Variants in SZT2 observed in about 807,000 individuals in gnomAD.
SZT2 encodes the protein SZT2 subunit of KICSTOR complex.
In SZT2, 216 loss-of-function variants were observed where a neutral mutation model predicts 404.2. That is an observed-to-expected ratio of 0.53 (90% confidence interval 0.48 to 0.60). SZT2 has a LOEUF of 0.60. SZT2 is among the 20% of genes least tolerant of loss of function. The pLI, the probability that SZT2 is intolerant of heterozygous loss-of-function variation, is 0.00. For missense variants in SZT2, 3,857 were observed against 4,459.2 expected (o/e 0.86, Z 3.85); for synonymous variants, 1,693 against 1,749.9 (o/e 0.97, Z 0.81).
chr1:43,452,135 C>A lies in SZT2; in HGVS notation c.*1655C>A. ...AGGCTGGCAGCCTCACGTGCTGTCC[C>A]CACTGTGCACCCCCTTCTCCGCACA... On this transcript the variant is annotated 3_prime_UTR_variant, in exon 72 of 72. Coordinates refer to ENST00000634258, the MANE Select transcript of SZT2 (RefSeq NM_001365999.1). 1 of 1,494,898 alleles carries A rather than the reference C, an allele frequency of 6.7e-7. No homozygotes were observed. Among genetic ancestry groups the A allele is most frequent in the East Asian group, 2.3e-5 (1 of 43,276 alleles). The allele number at this position is 1,494,898 out of a possible 1,614,324, so 92.6% of individuals were successfully genotyped here.
chr1:43,434,807 G>A (rs2153934585), intron 41 of SZT2, among the ~76,000 whole-genome samples: 1 of 152,318 alleles, frequency 6.6e-6, no homozygotes, highest in Non-Finnish European at 1.5e-5. Context: ...TGGAGCTTGT[G>A]TAGAATGGGG....
rs1299573385 is a variant in SZT2 at position 43,453,653 on chromosome 1, C to T, written c.*3173C>T. On this transcript the variant is annotated 3_prime_UTR_variant, in exon 72 of 72. Coordinates refer to ENST00000634258, the MANE Select transcript of SZT2 (RefSeq NM_001365999.1). Reference sequence around the variant, plus strand: ...CCGCTTCTCGCGCGGCGCGCGCCAGCGCCTCAGGCGTCTCCGCGTACGGCC... The same window carrying T: ...CCGCTTCTCGCGCGGCGCGCGCCAGTGCCTCAGGCGTCTCCGCGTACGGCC... 3 of 1,486,370 alleles carry T rather than the reference C, an allele frequency of 2.0e-6. No homozygotes were observed. Among genetic ancestry groups the T allele is most frequent in the Non-Finnish European group, 2.7e-6 (3 of 1,125,918 alleles). The allele number at this position is 1,486,370 out of a possible 1,614,324, so 92.1% of individuals were successfully genotyped here. A position where few individuals can be genotyped will look rare whatever the true frequency, so the allele number is the denominator to read the frequency against.
chr1:43,408,372 C>G (rs1311119900), intron 4 of SZT2, among the ~76,000 whole-genome samples: 2 of 152,256 alleles, frequency 1.3e-5, no homozygotes, highest in East Asian at 3.9e-4. Context: ...TAAGTGATCT[C>G]CCACCTCAGC....
intron 40 of SZT2, among the ~76,000 whole-genome samples, chr1:43,433,559 A>C (rs891145989): frequency 6.6e-6 from 1 of 152,328 alleles, no homozygotes; most frequent in East Asian, 1.9e-4. Context: ...AGGCAGGCGG[A>C]TCACTTGAGG....
In SZT2 at chr1:43,396,968, G is replaced by C. The variant is rs1021932116; in HGVS notation, c.28-6209G>C. ...ACTCTTCGTCAACAAAAACCATGTT[G>C]ATAGAAGAGTGAAAAATTAGAAATT... On this transcript the variant is annotated intron_variant, in intron 1 of 71. Coordinates refer to ENST00000634258, the MANE Select transcript of SZT2 (RefSeq NM_001365999.1). Among the ~76,000 whole-genome samples the C allele has an allele frequency of 3.3e-5, 5 of 152,350 alleles. No homozygotes were observed. In the Middle Eastern group the frequency reaches 0.01, roughly 311 times the overall value.
Position 43,452,827 on chromosome 1 carries a change from C to A in SZT2, c.*2347C>A. On this transcript the variant is annotated 3_prime_UTR_variant, in exon 72 of 72. Transcript: ENST00000634258. ...CCCACTTTGAGCCGTCCACCTCCTC[C>A]CATCATCCCCTGATCTTAGCCACAT... 6.8e-7 allele frequency: 1 copy of A among 1,465,998 alleles called. No individual in the cohort carries two copies. The highest frequency in any genetic ancestry group is 2.0e-5 in the Admixed American group (1 of 50,860). 90.8% of individuals were successfully genotyped at this position (1,465,998 alleles called of 1,614,324 possible).
Position 43,434,156 on chromosome 1 carries a change from G to A in SZT2, c.5805-230G>A, listed in dbSNP as rs543169085. On this transcript the variant is annotated intron_variant, in intron 40 of 71. Transcript: ENST00000634258. ...CCGTATGGGAGCTGGTGAAGCAAGC[G>A]TGGAGCCTCGGCATCCAGAACTGCT... Among the ~76,000 whole-genome samples the A allele has an allele frequency of 9.8e-5, 15 of 152,318 alleles. No individual in the cohort carries two copies. The South Asian group carries it at 2.5e-3, about 25-fold the overall frequency.
chr1:43,453,965 C>T lies in SZT2; in HGVS notation c.*3485C>T. The T allele has an allele frequency of 1.7e-6, 2 of 1,194,536 alleles. No individual in the cohort carries two copies. Among genetic ancestry groups the T allele is most frequent in the Non-Finnish European group, 1.0e-6 (1 of 964,206 alleles). 74.0% of individuals were successfully genotyped at this position (1,194,536 alleles called of 1,614,324 possible). On this transcript the variant is annotated 3_prime_UTR_variant, in exon 72 of 72. Coordinates refer to ENST00000634258, the MANE Select transcript of SZT2 (RefSeq NM_001365999.1). ...AAACCCGGGCCTTCACGAAAAGCGC[C>T]TACGGTTAGCGAGAGAGGGATCACG...
At position 43,439,723 on chromosome 1, in the gene SZT2, A is replaced by C. The variant is rs1314768886; in HGVS notation, c.6996A>C (p.Gln2332His). 1.2e-6 allele frequency: 2 copies of C among 1,610,734 alleles called. No homozygotes were observed. The highest frequency in any genetic ancestry group is 1.7e-6 in the Non-Finnish European group (2 of 1,178,118). Reference protein sequence around the residue: ...PDPLREEEFEQLTQVIRCPVV... With the variant: ...PDPLREEEFEHLTQVIRCPVV... ...CACTGCGAGAGGAGGAATTTGAGCA[A>C]CTGACCCAGGTCATCCGCTGCCCGG... is the stretch of plus-strand genomic sequence containing the variant. The change falls in exon 50 of 72, where the codon CAA (glutamine) becomes CAC (histidine). Residue 2332 changes from glutamine (Q) to histidine (H), a missense_variant. This residue lies in a region of SZT2 where 573 missense variants were observed against 592.4 expected (regional missense o/e 0.97). Coordinates refer to ENST00000634258, the MANE Select transcript of SZT2 (RefSeq NM_001365999.1). This position sits in a 1 kb window ranked among gnomAD's most constrained non-coding sequence, Gnocchi z 4.2.
intron 1 of SZT2, among the ~76,000 whole-genome samples, chr1:43,395,208 TA>T (rs1364753243): frequency 6.6e-6 from 1 of 152,208 alleles, no homozygotes; most frequent in Admixed American, 6.5e-5. Context: ...TCTCCTCACT[TA>T]ACAAACCTTG....
At chr1:43,432,154 TG>T in intron 36 of SZT2, 117 bp from the exon 37 acceptor site, 2 of 1,187,194 alleles carry the variant, frequency 1.7e-6, no homozygotes, top group Non-Finnish European at 2.4e-6. Flanking sequence ...ACCTCAGCAG[TG>T]GGGATGCCAG....
intron 4 of SZT2, chr1:43,405,029 GT>G (rs2153929922): frequency 6.5e-6 from 1 of 152,774 alleles, no homozygotes; most frequent in South Asian, 2.1e-4. Context: ...TTGAGACGGA[GT>G]TTCGCTCTTT....
At position 43,452,586 on chromosome 1, in the gene SZT2, A is replaced by C. The variant is rs920336425; in HGVS notation, c.*2106A>C. 1 of 601,112 alleles carries C rather than the reference A, an allele frequency of 1.7e-6. No homozygotes were observed. Among genetic ancestry groups the C allele is most frequent in the Non-Finnish European group, 3.0e-6 (1 of 335,836 alleles). The allele number at this position is 601,112 out of a possible 1,614,324, so 37.2% of individuals were successfully genotyped here. A position where few individuals can be genotyped will look rare whatever the true frequency, so the allele number is the denominator to read the frequency against. The stretch of plus-strand genomic sequence containing the variant: ...TTTCCTTCCCTCGGTCCTTCTCCGC[A>C]ACCTGTAACCTGCTAAATTCTCACC... On this transcript the variant is annotated 3_prime_UTR_variant, in exon 72 of 72. Coordinates refer to ENST00000634258, the MANE Select transcript of SZT2 (RefSeq NM_001365999.1).
In SZT2 at chr1:43,438,836, A is replaced by G. The variant is rs754864099; in HGVS notation, c.6627+19A>G. ...TGTGGAGGTCAGCTCCCCTCTAGGCACCAGCATCCTTCCCAGACTCAGCCA... is the reference window on the plus strand; with the variant it reads ...TGTGGAGGTCAGCTCCCCTCTAGGCGCCAGCATCCTTCCCAGACTCAGCCA... On this transcript the variant is annotated intron_variant, in intron 47 of 71. Transcript: ENST00000634258. 26 of 1,611,672 alleles carry G rather than the reference A, an allele frequency of 1.6e-5. No individual in the cohort carries two copies. Among genetic ancestry groups the G allele is most frequent in the Admixed American group, 1.2e-4 (7 of 59,914 alleles).
chr1:43,407,806 G>A (rs1193893853), intron 4 of SZT2, among the ~76,000 whole-genome samples: 1 of 150,922 alleles, frequency 6.6e-6, no homozygotes, highest in African/African-American at 2.4e-5. Context: ...GTTGTTTCTG[G>A]GTATCGTATT....
At chr1:43,416,495 G>A in intron 6 of SZT2, 40 bp from the exon 7 acceptor site, 1 of 1,559,034 alleles carries the variant, frequency 6.4e-7, no homozygotes, top group East Asian at 2.3e-5. Context: ...GTTTGGTCTG[G>A]CCAGTGTCTC....
chr1:43,412,291 A>C (rs1276124550), intron 4 of SZT2: 1 of 151,902 alleles, frequency 6.6e-6, no homozygotes, highest in Admixed American at 6.6e-5. Flanking sequence ...CTCTGCATAA[A>C]CTCTGGTACT....
At position 43,448,900 on chromosome 1, in the gene SZT2, T is replaced by A. The variant is rs1656034811; in HGVS notation, c.10086+172T>A. The A allele has an allele frequency of 1.5e-6, 1 of 653,550 alleles. No individual in the cohort carries two copies. The highest frequency in any genetic ancestry group is 2.7e-6 in the Non-Finnish European group (1 of 368,332). The allele number at this position is 653,550 out of a possible 1,614,324, so 40.5% of individuals were successfully genotyped here. ...CAGTACCGGGCATCGAGCTACAGCA[T>A]GTGATTCTCTGAGCAGCTCTGCCCT... On this transcript the variant is annotated intron_variant, in intron 70 of 71. Coordinates refer to ENST00000634258, the MANE Select transcript of SZT2 (RefSeq NM_001365999.1). This position sits in a 1 kb window ranked among gnomAD's most constrained non-coding sequence, Gnocchi z 4.2.
chr1:43,404,272 C>G, intron 3 of SZT2, 108 bp from the exon 4 acceptor site: 2 of 932,088 alleles, frequency 2.1e-6, no homozygotes, highest in South Asian at 3.3e-5. Flanking sequence ...TTTGGGTGTG[C>G]GATCATCCAT....
Sources: gnomAD v4.1 joint callset for allele counts (sites outside exome capture counted in the v4.1 genomes callset) on GRCh38, gnomAD v4.1.1 for gene constraint, gnomAD v4.1.1 regional missense constraint, Gnocchi (gnomAD v3.1) non-coding constraint, MANE v1.5 for transcripts, NCBI Gene and HGNC (gene_info 2026-07-23, HGNC 2026-07-21) for gene names.